The following PARP10 variants were observed in gnomAD, a reference collection of about 807,000 sequenced individuals.
PARP10 encodes poly(ADP-ribose) polymerase family member 10, also known as protein mono-ADP-ribosyltransferase PARP10.
PARP10 carries 56 observed loss-of-function variants against 82.4 expected under a neutral mutation model. That is an observed-to-expected ratio of 0.68 (90% CI 0.55 to 0.85). The LOEUF is 0.85. Ranked by LOEUF, PARP10 falls within the 40% of genes least tolerant of loss-of-function variation. The pLI, the probability that PARP10 is intolerant of heterozygous loss-of-function variation, is 0.00. For synonymous variants in PARP10, 576 were observed against 601.1 expected, an observed-to-expected ratio of 0.96 and a Z score of 0.61; for missense variants, 1,227 against 1,379.4, an observed-to-expected ratio of 0.89 and a Z score of 1.75.
chr8:143,977,207 A>G lies in PARP10; in HGVS notation c.*277T>C. ...TCACGTTCACGTTTATTCAAACAAC[A>G]GAGCCGACTCGGGCGAGGTCTGGGA... On this transcript the variant is annotated 3_prime_UTR_variant, in exon 11 of 11. Transcript: ENST00000313028. The G allele has an allele frequency of 4.0e-6, 2 of 496,522 alleles. No individual in the cohort carries two copies. The highest frequency in any genetic ancestry group is 6.9e-5 in the East Asian group (2 of 28,860). 30.8% of individuals were successfully genotyped at this position (496,522 alleles called of 1,614,324 possible). A position where few individuals can be genotyped will look rare whatever the true frequency, so the allele number is the denominator to read the frequency against.
At chr8:143,979,885 G>A (rs571100628) in intron 9 of PARP10, among the ~76,000 whole-genome samples, 17 of 152,082 alleles carry the variant, frequency 1.1e-4, no homozygotes, top group Non-Finnish European at 1.3e-4. Flanking sequence ...GGTGGCGGGC[G>A]CCTGTAGTCA....
chr8:143,986,354 T>C lies in PARP10; in HGVS notation c.2+4A>G. ...TTATGGGTGGCCCCACATACAGCAC[T>C]TACATTCCCCGTGGCCGCTAGGCAG... On this transcript the variant is annotated splice_donor_region_variant and intron_variant, in intron 1 of 10. Coordinates refer to ENST00000313028, the MANE Select transcript of PARP10 (RefSeq NM_032789.5). 1.9e-6 allele frequency: 3 copies of C among 1,614,122 alleles called. No homozygotes were observed. The highest frequency in any genetic ancestry group is 2.5e-6 in the Non-Finnish European group (3 of 1,179,992).
chr8:143,982,438 C>T (rs1046167816), intron 9 of PARP10, among the ~76,000 whole-genome samples: 2 of 152,140 alleles, frequency 1.3e-5, no homozygotes, highest in Non-Finnish European at 2.9e-5. Flanking sequence ...CGTGCCACTG[C>T]ACTCCAGCCC....
At chr8:144,004,556 G>T (rs1834222522) in intron 1 of PARP10, among the ~76,000 whole-genome samples, 1 of 152,168 alleles carries the variant, frequency 6.6e-6, no homozygotes, top group Non-Finnish European at 1.5e-5. Flanking sequence ...GGAAGACTGG[G>T]CTAGATTTAA....
upstream of PARP10, among the ~76,000 whole-genome samples, chr8:143,995,795 A>G (rs1211547972): frequency 1.3e-5 from 2 of 152,180 alleles, no homozygotes; most frequent in African/African-American, 4.8e-5. Context: ...ATGATGGATC[A>G]ATACAAAAAC....
rs144746265 is a variant in PARP10, at chr8:143,984,858, C to G, written c.1144G>C (p.Val382Leu). The G allele has an allele frequency of 6.2e-7, 1 of 1,613,896 alleles. No homozygotes were observed. Among genetic ancestry groups the G allele is most frequent in the South Asian group, 1.1e-5 (1 of 91,076 alleles). The change falls in exon 5 of 11, where the codon GTG becomes CTG. Residue 382 changes from valine to leucine, a missense_variant. Transcript: ENST00000313028. ...GTCTCCACTGGGCCTGCAGACCCCA[C>G]AGGCCCCAGGCTCATGGGCCCCTCC... ...EQEGPMSLGP[V>L]GSAGPVETSK...
At chr8:143,995,876 A>AGT (rs1834160922), upstream of PARP10, among the ~76,000 whole-genome samples, 3 of 152,330 alleles carry the variant, frequency 2.0e-5, no homozygotes, top group Admixed American at 2.0e-4. Flanking sequence ...AAGGGCAAGC[A>AGT]GTGCCCTGTC....
upstream of PARP10, among the ~76,000 whole-genome samples, chr8:143,995,159 A>G (rs1834155474): frequency 6.6e-6 from 1 of 152,216 alleles, no homozygotes; most frequent in Non-Finnish European, 1.5e-5. Context: ...AGAGAAGGCC[A>G]GGGCTGAACA....
chr8:144,007,720 A>C (rs563524347), intron 1 of PARP10, among the ~76,000 whole-genome samples: 23 of 152,252 alleles, frequency 1.5e-4, no homozygotes, highest in African/African-American at 5.3e-4. Context: ...AGGCTGAAGC[A>C]AAAGAGGTGA....
chr8:143,978,900 G>T (rs1343894178), intron 9 of PARP10, among the ~76,000 whole-genome samples: 2 of 151,988 alleles, frequency 1.3e-5, no homozygotes, highest in African/African-American at 4.8e-5. Context: ...GGACAATGAG[G>T]AAAGACAACG....
chr8:143,982,023 T>C (rs1168546087), intron 9 of PARP10, among the ~76,000 whole-genome samples: 1 of 149,920 alleles, frequency 6.7e-6, no homozygotes, highest in Admixed American at 6.6e-5. Context: ...GTGGTGATGA[T>C]GGTGGTGAGG....
At chr8:143,999,275 C>T (rs550148273) in intron 1 of PARP10, among the ~76,000 whole-genome samples, 1 of 152,118 alleles carries the variant, frequency 6.6e-6, no homozygotes, top group African/African-American at 2.4e-5. Flanking sequence ...AATCTCGGCT[C>T]ACTGCAACCT....
At chr8:144,010,503 C>T (rs970842749) in intron 1 of PARP10, among the ~76,000 whole-genome samples, 2 of 152,168 alleles carry the variant, frequency 1.3e-5, no homozygotes, top group Non-Finnish European at 2.9e-5. Context: ...GGCAGGCTGG[C>T]AACTCAGGTA....
chr8:144,011,483 C>T lies in PARP10; in HGVS notation c.-80+1047G>A, dbSNP rs1165580040. On this transcript the variant is annotated intron_variant, in intron 1 of 3. Transcript: ENST00000530478. This position sits in a 1 kb window ranked among gnomAD's most constrained non-coding sequence, Gnocchi z 4.5. Reference sequence around the variant, plus strand: ...TTCTACCAGGAGTCTGTCCTCTGGCCTGTACCTGGACTTCGCTATCCTCTC... The same window carrying T: ...TTCTACCAGGAGTCTGTCCTCTGGCTTGTACCTGGACTTCGCTATCCTCTC... Among the ~76,000 whole-genome samples, 1 of 152,198 alleles carries T rather than the reference C, an allele frequency of 6.6e-6. No homozygotes were observed. Among genetic ancestry groups the T allele is most frequent in the Non-Finnish European group, 1.5e-5 (1 of 68,036 alleles).
upstream of PARP10, chr8:143,993,145 G>T (rs542933956): frequency 9.6e-5 from 36 of 373,796 alleles, no homozygotes; most frequent in Middle Eastern, 1.6e-3. Flanking sequence ...CCCAGGGACT[G>T]GGGGCAGCAC....
intron 1 of PARP10, among the ~76,000 whole-genome samples, chr8:144,010,801 C>T (rs1265721106): frequency 6.6e-6 from 1 of 152,054 alleles, no homozygotes; most frequent in Non-Finnish European, 1.5e-5. Context: ...AGCAGGATCG[C>T]TTGAGCATGG....
At position 143,985,738 on chromosome 8, in the gene PARP10, T is replaced by A. The variant is rs1833973808; in HGVS notation, c.419A>T (p.Lys140Met). 1 of 1,607,576 alleles carries A rather than the reference T, an allele frequency of 6.2e-7. No individual in the cohort carries two copies. Among genetic ancestry groups the A allele is most frequent in the Admixed American group, 1.7e-5 (1 of 59,426 alleles). The change falls in exon 3 of 11, where the codon AAG becomes ATG. Residue 140 changes from lysine (K) to methionine (M), a missense_variant. Transcript: ENST00000313028. ...CCTCTCACCTGCCTCAGAAAGGGGC[T>A]TGGGCAACTGGACCAGAGCCCGGTC... ...RPDRALVQLP[K>M]PLSEADVRVL...
chr8:144,000,664 C>T (rs1587474120), intron 1 of PARP10, among the ~76,000 whole-genome samples: 1 of 152,158 alleles, frequency 6.6e-6, no homozygotes, highest in African/African-American at 2.4e-5. Context: ...CCTAGTGTAA[C>T]ACTGATACCA....
At chr8:143,991,640 G>A (rs782494470), upstream of PARP10, 1 of 1,591,896 alleles carries the variant, frequency 6.3e-7, no homozygotes, top group East Asian at 2.2e-5. Flanking sequence ...TGGCCGGGAG[G>A]GCAGGGGGAG....
Sources: gnomAD v4.1 joint callset for allele counts (sites outside exome capture counted in the v4.1 genomes callset) on GRCh38, gnomAD v4.1.1 for gene constraint, Gnocchi (gnomAD v3.1) non-coding constraint, MANE v1.5 for transcripts, NCBI Gene and HGNC (gene_info 2026-07-23, HGNC 2026-07-21) for gene names.